The following CASP8 variants were observed in gnomAD, a reference collection of about 807,000 sequenced individuals.
CASP8 encodes caspase 8.
Under a neutral mutation model 46.3 loss-of-function variants are expected in CASP8, and 24 were observed. The observed-to-expected ratio is 0.52, with a 90% CI of 0.38 to 0.73. The LOEUF is 0.73. CASP8 is among the 30% of genes least tolerant of loss of function. The pLI, the probability that CASP8 is intolerant of heterozygous loss-of-function variation, is 0.00. For synonymous variants in CASP8, 188 were observed against 200.4 expected (o/e 0.94, Z 0.52); for missense variants, 460 against 559.0 (o/e 0.82, Z 1.79).
At chr2:201,280,945 C>T (rs527804967) in intron 7 of CASP8, among the ~76,000 whole-genome samples, 46 of 152,160 alleles carry the variant, frequency 3.0e-4, no homozygotes, top group African/African-American at 1.1e-3. Context: ...TTACAAGTTC[C>T]AGGAAAGGCA....
At chr2:201,239,994 T>C (rs1334075989) in intron 2 of CASP8, among the ~76,000 whole-genome samples, 1 of 152,242 alleles carries the variant, frequency 6.6e-6, no homozygotes, top group East Asian at 1.9e-4. Context: ...CCTCTGCATC[T>C]GTGCCCCTTT....
chr2:201,270,493 G>A (rs1948165632), intron 2 of CASP8, among the ~76,000 whole-genome samples: 1 of 152,096 alleles, frequency 6.6e-6, no homozygotes, highest in Non-Finnish European at 1.5e-5. Context: ...AACCCTCTGG[G>A]TTTATGAAAA....
chr2:201,274,758 T>C (rs190343290), intron 5 of CASP8, 131 bp from the exon 6 acceptor site: 233 of 754,834 alleles, frequency 3.1e-4, no homozygotes, highest in Non-Finnish European at 2.3e-5. Flanking sequence ...ATTACCGGCG[T>C]GAGCCCCTGT....
At position 201,286,913 on chromosome 2, in the gene CASP8, C is replaced by A; in HGVS notation, c.*319C>A. ...GGATTACAGGCGTGAGCCACCGCGC[C>A]TGGCCGATGGTACTATTTAGATATA... On this transcript the variant is annotated 3_prime_UTR_variant, in exon 9 of 9. Coordinates refer to ENST00000673742, the MANE Select transcript of CASP8 (RefSeq NM_001372051.1). 1 of 347,610 alleles carries A rather than the reference C, an allele frequency of 2.9e-6. No individual in the cohort carries two copies. The highest frequency in any genetic ancestry group is 5.6e-6 in the Non-Finnish European group (1 of 179,626). The allele number at this position is 347,610 out of a possible 1,614,324, so 21.5% of individuals were successfully genotyped here. A position where few individuals can be genotyped will look rare whatever the true frequency, so the allele number is the denominator to read the frequency against.
chr2:201,240,929 A>G (rs753619125), intron 2 of CASP8: 3 of 152,216 alleles, frequency 2.0e-5, no homozygotes, highest in Non-Finnish European at 4.4e-5. Flanking sequence ...CTTGAACAAC[A>G]ATTAGGCCAT....
intron 6 of CASP8, among the ~76,000 whole-genome samples, chr2:201,275,767 G>A (rs1948592183): frequency 6.6e-6 from 1 of 152,030 alleles, no homozygotes; most frequent in African/African-American, 2.4e-5. Flanking sequence ...TTGAGACAGG[G>A]GTCTTGCTAC....
intron 2 of CASP8, among the ~76,000 whole-genome samples, chr2:201,239,362 C>A (rs1946202977): frequency 6.6e-6 from 1 of 152,174 alleles, no homozygotes; most frequent in Admixed American, 6.5e-5. Flanking sequence ...AGGCGCCCCT[C>A]ATCTCCCAGA....
At chr2:201,261,795 G>C (rs1019755277) in intron 1 of CASP8, among the ~76,000 whole-genome samples, 1 of 152,204 alleles carries the variant, frequency 6.6e-6, no homozygotes, top group African/African-American at 2.4e-5. Context: ...TTCTGCTTCC[G>C]ATGGCAAATG....
intron 2 of CASP8, among the ~76,000 whole-genome samples, chr2:201,269,060 TC>T (rs1167826176): frequency 6.6e-6 from 1 of 151,842 alleles, no homozygotes; most frequent in Non-Finnish European, 1.5e-5. Context: ...CACCTCAGCC[TC>T]CCAAGTAGCT....
chr2:201,271,529 C>T lies in CASP8; in HGVS notation c.319C>T (p.Gln107Ter). ...QISAYRVMLY[Q>*]ISEEVSRSEL... ...TTCCCACCACAGGGTCATGCTCTAT[C>T]AGATTTCAGAAGAAGTGAGCAGATC... The change falls in exon 3 of 9, where the codon CAG (glutamine) becomes TAG (stop). Residue 107 changes from glutamine (Q) to a stop codon, truncating the protein, a stop_gained. Coordinates refer to ENST00000673742, the MANE Select transcript of CASP8 (RefSeq NM_001372051.1). LOFTEE classifies it high-confidence loss of function. 1 of 1,598,948 alleles carries T rather than the reference C, an allele frequency of 6.3e-7. No homozygotes were observed.
chr2:201,287,005 G>C lies in CASP8; in HGVS notation c.*411G>C, dbSNP rs17860432. The C allele has an allele frequency of 0.027, 6,182 of 225,076 alleles. 137 individuals carry two copies. The highest frequency in any genetic ancestry group is 0.046 in the South Asian group (759 of 16,556). The allele number at this position is 225,076 out of a possible 1,614,324, so 13.9% of individuals were successfully genotyped here. ...TTAATTGTTTTGCACTTTTTTATAA[G>C]AGCTAAAGTTAAATAGGATATTAAC... On this transcript the variant is annotated 3_prime_UTR_variant, in exon 9 of 9. Coordinates refer to ENST00000673742, the MANE Select transcript of CASP8 (RefSeq NM_001372051.1).
intron 5 of CASP8, among the ~76,000 whole-genome samples, chr2:201,274,457 G>A (rs1466847403): frequency 1.3e-5 from 2 of 152,130 alleles, no homozygotes; most frequent in African/African-American, 4.8e-5. Context: ...ATTCATGGCA[G>A]TCTGTGAATT....
At chr2:201,239,499 T>C (rs1439578555) in intron 2 of CASP8, among the ~76,000 whole-genome samples, 1 of 152,264 alleles carries the variant, frequency 6.6e-6, no homozygotes, top group Non-Finnish European at 1.5e-5. Flanking sequence ...AGTGTTTTTT[T>C]TGGTTGTTGT....
chr2:201,274,430 G>A (rs1475214674), intron 5 of CASP8, among the ~76,000 whole-genome samples: 1 of 152,122 alleles, frequency 6.6e-6, no homozygotes, highest in African/African-American at 2.4e-5. Flanking sequence ...AATCTCTCTG[G>A]CTTGAAAGGA....
intron 2 of CASP8, among the ~76,000 whole-genome samples, chr2:201,253,293 CTTTTTTTTTTTTTTTTTTTT>C (rs34341476): frequency 2.9e-5 from 2 of 67,964 alleles, no homozygotes; most frequent in Admixed American, 5.7e-4. Context: ...CTAGCCTGAT[CTTTTTTTTTTTTTTTTTTTT>C]TTTTTTTTTT....
At chr2:201,277,042 C>G (rs1948680371) in intron 7 of CASP8, 74 bp downstream of exon 7, 10 of 1,074,194 alleles carry the variant, frequency 9.3e-6, no homozygotes, top group Non-Finnish European at 1.1e-5. Flanking sequence ...AGGGAGAGAA[C>G]AAAAGCTATA....
rs903931739 is a variant in CASP8 at position 201,272,416 on chromosome 2, T to C, written c.412-222T>C. 6.6e-6 allele frequency among the ~76,000 whole-genome samples: 1 copy of C among 152,152 alleles called. No homozygotes were observed. Among genetic ancestry groups the C allele is most frequent in the African/African-American group, 2.4e-5 (1 of 41,426 alleles). ...CCTGGGGACTGGGTGACATCTGACA[T>C]GGCTTCTCCTTTATCCTCTCACTTC... On this transcript the variant is annotated intron_variant, in intron 3 of 8. Transcript: ENST00000673742. The surrounding 1 kb of genome is among the most constrained non-coding windows in gnomAD (Gnocchi z 4.4).
At chr2:201,273,679 CTTT>C (rs763280710) in intron 5 of CASP8, among the ~76,000 whole-genome samples, 1 of 146,074 alleles carries the variant, frequency 6.8e-6, no homozygotes. Context: ...ATCAAATAGT[CTTT>C]TTTTTTTTTT....
chr2:201,282,593 G>T (rs1275045514), intron 7 of CASP8, among the ~76,000 whole-genome samples: 1 of 99,506 alleles, frequency 1.0e-5, no homozygotes, highest in Non-Finnish European at 2.5e-5. Context: ...CTCCCGGACG[G>T]GGCGGCTGGC....
Sources: allele counts gnomAD v4.1 joint callset (sites outside exome capture counted in the v4.1 genomes callset), GRCh38; gene constraint gnomAD v4.1.1; non-coding constraint Gnocchi (gnomAD v3.1); transcripts MANE v1.5; gene names NCBI Gene and HGNC (gene_info 2026-07-23, HGNC 2026-07-21).